Variants in TRAPPC9 observed in about 807,000 individuals in gnomAD.
TRAPPC9 encodes trafficking protein particle complex subunit 9.
A neutral mutation model predicts 124.0 loss-of-function variants in TRAPPC9; 83 were observed. The observed-to-expected ratio is 0.67, with a 90% CI of 0.56 to 0.80. TRAPPC9 has a LOEUF of 0.80. Ranked by LOEUF, TRAPPC9 falls within the 30% of genes least tolerant of loss-of-function variation. The pLI, the probability that TRAPPC9 is intolerant of heterozygous loss-of-function variation, is 0.00. For missense variants in TRAPPC9, 1,302 were observed against 1,508.3 expected (o/e 0.86, Z 2.27); for synonymous variants, 638 against 617.5 (o/e 1.03, Z -0.49).
chr8:139,817,941 A>G (rs1824970122), intron 21 of TRAPPC9, among the ~76,000 whole-genome samples: 1 of 152,212 alleles, frequency 6.6e-6, no homozygotes, highest in Non-Finnish European at 1.5e-5. Context: ...AAATAGGAGG[A>G]TCACAAAAAT....
At chr8:139,831,909 G>A (rs546585057) in intron 21 of TRAPPC9, among the ~76,000 whole-genome samples, 6 of 152,352 alleles carry the variant, frequency 3.9e-5, no homozygotes, top group East Asian at 3.9e-4. Context: ...ACTCCGTCAC[G>A]TTGCCTTGAG....
At chr8:139,969,144 T>A (rs1405715371) in intron 19 of TRAPPC9, among the ~76,000 whole-genome samples, 1 of 152,220 alleles carries the variant, frequency 6.6e-6, no homozygotes, top group Non-Finnish European at 1.5e-5. Context: ...CGAAGGGAAT[T>A]GAGAAGATGG....
At chr8:139,823,222 G>A (rs1163615584) in intron 21 of TRAPPC9, among the ~76,000 whole-genome samples, 1 of 152,170 alleles carries the variant, frequency 6.6e-6, no homozygotes, top group Non-Finnish European at 1.5e-5. Flanking sequence ...GGCGCGAGGT[G>A]GGAGGAGCTT....
intron 19 of TRAPPC9, among the ~76,000 whole-genome samples, chr8:139,943,330 G>C (rs1366549199): frequency 6.6e-6 from 1 of 152,170 alleles, no homozygotes; most frequent in East Asian, 1.9e-4. Flanking sequence ...GCCTCCCAAA[G>C]TGCTGGGATT....
intron 16 of TRAPPC9, among the ~76,000 whole-genome samples, chr8:140,227,370 A>C (rs950248057): frequency 6.6e-6 from 1 of 152,194 alleles, no homozygotes; most frequent in Admixed American, 6.5e-5. Context: ...AGGACAAAAA[A>C]AGTTACAAAC....
intron 17 of TRAPPC9, among the ~76,000 whole-genome samples, chr8:140,219,284 G>A (rs1403364940): frequency 6.6e-6 from 1 of 152,230 alleles, no homozygotes; most frequent in African/African-American, 2.4e-5. Flanking sequence ...CGCTGCCGGA[G>A]CCTGAATTGC....
At chr8:139,846,196 G>C (rs1217095929) in intron 21 of TRAPPC9, among the ~76,000 whole-genome samples, 2 of 152,222 alleles carry the variant, frequency 1.3e-5, no homozygotes, top group African/African-American at 4.8e-5. Flanking sequence ...GAGGCTGTGT[G>C]AACAGTCCCA....
At chr8:140,240,133 T>C (rs2063824184) in intron 16 of TRAPPC9, among the ~76,000 whole-genome samples, 2 of 152,080 alleles carry the variant, frequency 1.3e-5, no homozygotes, top group South Asian at 4.2e-4. Flanking sequence ...CAAATAGACA[T>C]GTTTTTTTTT....
intron 17 of TRAPPC9, among the ~76,000 whole-genome samples, chr8:140,078,165 C>G (rs754784535): frequency 6.6e-6 from 1 of 152,210 alleles, no homozygotes; most frequent in Non-Finnish European, 1.5e-5. Context: ...TCTCTTCATG[C>G]TTTTCTCTGC....
intron 11 of TRAPPC9, among the ~76,000 whole-genome samples, chr8:140,299,986 T>A (rs932615856): frequency 1.3e-5 from 2 of 152,206 alleles, no homozygotes; most frequent in Non-Finnish European, 2.9e-5. Context: ...CCTTGTAAAA[T>A]CAGTCTACAT....
intron 9 of TRAPPC9, among the ~76,000 whole-genome samples, chr8:140,328,624 C>G (rs1588157933): frequency 6.6e-6 from 1 of 152,076 alleles, no homozygotes; most frequent in East Asian, 1.9e-4. Context: ...AGGCTACAAA[C>G]TGGGTTCAGT....
intron 21 of TRAPPC9, among the ~76,000 whole-genome samples, chr8:139,824,580 C>T (rs1420735192): frequency 2.6e-5 from 4 of 152,030 alleles, no homozygotes; most frequent in Admixed American, 6.6e-5. Context: ...TATCTTTTGG[C>T]GACAGATTCT....
chr8:140,398,464 G>C (rs1009133469), intron 6 of TRAPPC9, among the ~76,000 whole-genome samples: 1 of 152,160 alleles, frequency 6.6e-6, no homozygotes, highest in African/African-American at 2.4e-5. Context: ...ACAATGATAT[G>C]GACAACGAAA....
chr8:140,375,027 T>C (rs759647905), intron 7 of TRAPPC9, among the ~76,000 whole-genome samples: 2 of 152,168 alleles, frequency 1.3e-5, no homozygotes, highest in African/African-American at 4.8e-5. Context: ...GCAACTGCTT[T>C]TGGGCACTAG....
At position 140,273,268 on chromosome 8, in the gene TRAPPC9, G is replaced by A. The variant is rs376494667; in HGVS notation, c.2278+2390C>T. Among the ~76,000 whole-genome samples the A allele has an allele frequency of 2.6e-4, 40 of 152,238 alleles. 2 individuals carry two copies. Among genetic ancestry groups the A allele is most frequent in the East Asian group, 1.9e-3 (10 of 5,184 alleles). On this transcript the variant is annotated intron_variant, in intron 15 of 22. Coordinates refer to ENST00000438773, the MANE Select transcript of TRAPPC9 (RefSeq NM_001160372.4). The stretch of plus-strand genomic sequence containing the variant: ...CAGGGCAGGAGCTGCCTCCCTCCTC[G>A]CACTTCCTGTTGCTTTACATTATCT...
At chr8:140,396,002 A>G (rs2069084115) in intron 7 of TRAPPC9, among the ~76,000 whole-genome samples, 1 of 152,068 alleles carries the variant, frequency 6.6e-6, no homozygotes, top group South Asian at 2.1e-4. Context: ...TCCTGCCAAC[A>G]GCCCCAGTCC....
intron 18 of TRAPPC9, among the ~76,000 whole-genome samples, chr8:140,011,360 A>C (rs1839105002): frequency 1.3e-5 from 2 of 151,716 alleles, no homozygotes; most frequent in Admixed American, 6.6e-5. Flanking sequence ...TAAAAATAAA[A>C]ATAATAGTAA....
At chr8:140,356,440 A>T (rs939032739) in intron 9 of TRAPPC9, among the ~76,000 whole-genome samples, 4 of 152,162 alleles carry the variant, frequency 2.6e-5, no homozygotes, top group Admixed American at 2.6e-4. Context: ...CCAATTATTG[A>T]TCCTGCATAC....
intron 17 of TRAPPC9, among the ~76,000 whole-genome samples, chr8:140,055,439 C>T (rs184130005): frequency 6.6e-6 from 1 of 152,324 alleles, no homozygotes; most frequent in East Asian, 1.9e-4. Flanking sequence ...AAACTGAAGG[C>T]TTTTCCTCTA....
Sources: gnomAD v4.1 joint callset for allele counts (sites outside exome capture counted in the v4.1 genomes callset) on GRCh38, gnomAD v4.1.1 for gene constraint, MANE v1.5 for transcripts, NCBI Gene and HGNC (gene_info 2026-07-23, HGNC 2026-07-21) for gene names.